Variants in TPO observed in about 807,000 individuals in gnomAD.
TPO encodes thyroid microsomal antigen.
Under a neutral mutation model 96.9 loss-of-function variants are expected in TPO, and 78 were observed. That is an observed-to-expected ratio of 0.81 (90% CI 0.67 to 0.97). The LOEUF (loss-of-function observed/expected upper bound fraction) is 0.97, where lower values mean the gene tolerates loss of function less well. Among genes scored for constraint, TPO ranks in the 50% least tolerant of loss-of-function variants. The probability of loss-of-function intolerance (pLI) is 0.00; values close to 1 mark genes in which losing one functional copy is unlikely to be tolerated. For missense variants in TPO, 1,252 were observed against 1,274.8 expected (o/e 0.98, Z 0.27); for synonymous variants, 547 against 538.0 (o/e 1.02, Z -0.23).
In TPO at chr2:1,542,436, G is replaced by A. The variant is rs1193953273; in HGVS notation, c.2764G>A (p.Glu922Lys). The change falls in exon 17 of 17, where the codon GAA becomes AAA. Residue 922 changes from glutamate (E) to lysine (K), a missense_variant. Glu to Lys is a moderately conservative substitution (Grantham distance 56, BLOSUM62 1). Coordinates refer to ENST00000329066, the MANE Select transcript of TPO (RefSeq NM_001206744.2). ...QDSEQESAGM[E>K]GRDTHRLPRA... ...ATTTTTGCAGGAGAGTGCTGGGATGGAAGGCCGGGATACTCACAGGCTGCC... is the reference window on the plus strand; with the variant it reads ...ATTTTTGCAGGAGAGTGCTGGGATGAAAGGCCGGGATACTCACAGGCTGCC... 1.2e-6 allele frequency: 2 copies of A among 1,614,198 alleles called. No individual in the cohort carries two copies. The highest frequency in any genetic ancestry group is 1.7e-6 in the Non-Finnish European group (2 of 1,180,030).
chr2:1,456,000 G>A (rs1217088826), intron 6 of TPO, 76 bp from the exon 7 acceptor site: 1 of 1,443,024 alleles, frequency 6.9e-7, no homozygotes, highest in East Asian at 2.4e-5. Context: ...ACCAGGAAGT[G>A]CATGATCCCA....
At chr2:1,398,805 C>A (rs1662123831) in intron 1 of TPO, among the ~76,000 whole-genome samples, 5 of 152,126 alleles carry the variant, frequency 3.3e-5, no homozygotes, top group Non-Finnish European at 2.9e-5. Flanking sequence ...ATTGCAGGGG[C>A]CAGGGAGTGC....
At chr2:1,395,932 G>A (rs935058851) in intron 1 of TPO, among the ~76,000 whole-genome samples, 2 of 152,226 alleles carry the variant, frequency 1.3e-5, no homozygotes, top group African/African-American at 4.8e-5. Flanking sequence ...GGAACTGTGA[G>A]TCCATTAAAC....
chr2:1,510,041 C>T (rs1341977354), intron 14 of TPO, among the ~76,000 whole-genome samples: 1 of 152,232 alleles, frequency 6.6e-6, no homozygotes, highest in Non-Finnish European at 1.5e-5. Flanking sequence ...CCCTCACACT[C>T]ATTGTTTTAT....
At chr2:1,486,959 T>C (rs1418055746) in intron 9 of TPO, among the ~76,000 whole-genome samples, 1 of 152,212 alleles carries the variant, frequency 6.6e-6, no homozygotes, top group Non-Finnish European at 1.5e-5. Flanking sequence ...GGACGATGCA[T>C]GTCGTGATTT....
intron 15 of TPO, among the ~76,000 whole-genome samples, chr2:1,525,179 G>A (rs1676153021): frequency 8.6e-6 from 1 of 116,630 alleles, no homozygotes; most frequent in Non-Finnish European, 1.8e-5. Flanking sequence ...CCCACTGTGT[G>A]CAATCCGCCC....
In TPO at chr2:1,491,156, C is replaced by T. The variant is rs934604373; in HGVS notation, c.1769-2646C>T. Among the ~76,000 whole-genome samples the T allele has an allele frequency of 6.6e-5, 10 of 151,816 alleles. 1 individual carries two copies. The highest frequency in any genetic ancestry group is 5.8e-4 in the East Asian group (3 of 5,158). ...CTGCACTCCAGCCTGGGTGACAGAG[C>T]GAGACTCAGTCAAAAAAAAAACCAA... On this transcript the variant is annotated intron_variant, in intron 10 of 16. Transcript: ENST00000329066.
intron 15 of TPO, among the ~76,000 whole-genome samples, chr2:1,523,728 T>A (rs1304440835): frequency 3.4e-4 from 12 of 35,470 alleles, no homozygotes; most frequent in Middle Eastern, 0.029. Context: ...CCTCCTCAGG[T>A]CCCCCACTGT....
intron 15 of TPO, among the ~76,000 whole-genome samples, chr2:1,521,136 G>T (rs1373556936): frequency 1.3e-5 from 2 of 152,090 alleles, no homozygotes; most frequent in African/African-American, 4.8e-5. Flanking sequence ...CCTACCTATG[G>T]TATGCATTAT....
At chr2:1,525,160 C>G (rs1229240642) in intron 15 of TPO, among the ~76,000 whole-genome samples, 1 of 134,830 alleles carries the variant, frequency 7.4e-6, no homozygotes, top group Non-Finnish European at 1.6e-5. Flanking sequence ...GTGCAACCTC[C>G]TCAAGTCCCC....
intron 5 of TPO, among the ~76,000 whole-genome samples, chr2:1,451,802 AT>A (rs28909397): frequency 1.3e-5 from 2 of 152,072 alleles, no homozygotes; most frequent in Non-Finnish European, 2.9e-5. Context: ...AAAAATTTCT[AT>A]TTTTTTCTCT....
At chr2:1,387,011 C>A (rs1463592931) in intron 1 of TPO, among the ~76,000 whole-genome samples, 1 of 152,154 alleles carries the variant, frequency 6.6e-6, no homozygotes, top group African/African-American at 2.4e-5. Context: ...GTTGAAAATT[C>A]TTTTCTTTAA....
intron 11 of TPO, 147 bp downstream of exon 11, chr2:1,494,186 C>G (rs1672095474): frequency 1.2e-6 from 1 of 851,304 alleles, no homozygotes; most frequent in East Asian, 2.5e-5. Context: ...TTCTCCCACC[C>G]ACAGCTTCTT....
rs150925316 is a variant in TPO at position 1,464,686 on chromosome 2, T to C, written c.819+8404T>C. Among the ~76,000 whole-genome samples the C allele has an allele frequency of 5.4e-3, 818 of 152,248 alleles. 14 individuals carry two copies. Among genetic ancestry groups the C allele is most frequent in the African/African-American group, 0.018 (754 of 41,572 alleles). Reference sequence around the variant, plus strand: ...CATTTTTTCATATGTTTGTTGGCCATGTGTGTATCTTCTTTTGAGAATTCT... The same window carrying C: ...CATTTTTTCATATGTTTGTTGGCCACGTGTGTATCTTCTTTTGAGAATTCT... On this transcript the variant is annotated intron_variant, in intron 7 of 16. Transcript: ENST00000329066.
chr2:1,537,476 T>TGTGTGCCAC (rs1558441419), intron 15 of TPO, among the ~76,000 whole-genome samples: 53 of 27,464 alleles, frequency 1.9e-3, no homozygotes, highest in African/African-American at 3.5e-3. Flanking sequence ...CTCCTCAAAT[T>TGTGTGCCAC]CTTCCACTCT....
chr2:1,477,088 C>T lies in TPO; in HGVS notation c.822C>T (p.Leu274=), dbSNP rs775434093. ...ENQNPCFPIQ[L]PEEARPAAGT... is the part of the protein sequence containing the mutation. Reference sequence around the variant, plus strand: ...CTTGAACTCCCCTTTGCCTGCAGCTCCCGGAGGAGGCCCGGCCGGCCGCGG... The same window carrying T: ...CTTGAACTCCCCTTTGCCTGCAGCTTCCGGAGGAGGCCCGGCCGGCCGCGG... The change falls in exon 8 of 17, where the codon CTC becomes CTT. Residue 274 remains leucine (L), a splice_region_variant and synonymous_variant. Coordinates refer to ENST00000329066, the MANE Select transcript of TPO (RefSeq NM_001206744.2). 1.1e-5 allele frequency: 17 copies of T among 1,602,944 alleles called. No individual in the cohort carries two copies. The highest frequency in any genetic ancestry group is 8.5e-7 in the Non-Finnish European group (1 of 1,177,914).
rs34242408 is a variant in TPO, at chr2:1,400,568, C to CAAAAAAA, written n.180+26180_180+26186dup. On this transcript the variant is annotated intron_variant and non_coding_transcript_variant, in intron 1 of 5. Coordinates refer to the TPO transcript ENST00000497517. ...TGGATAAAGAAGTGAGACTCTGTCT[C>CAAAAAAA]AAAAAAAAAAAAAAAAAAAAGAAAT... Among the ~76,000 whole-genome samples the CAAAAAAA allele has an allele frequency of 6.8e-4, 49 of 71,588 alleles. 2 individuals are homozygous for CAAAAAAA. The South Asian group carries it at 0.018, about 27-fold the overall frequency. 47.0% of individuals were successfully genotyped at this position (71,588 alleles called of 152,430 possible). A position where few individuals can be genotyped will look rare whatever the true frequency, so the allele number is the denominator to read the frequency against.
upstream of TPO, among the ~76,000 whole-genome samples, chr2:1,411,833 A>G (rs1277904477): frequency 6.6e-6 from 1 of 152,166 alleles, no homozygotes; most frequent in Non-Finnish European, 1.5e-5. Context: ...TGCTAACACT[A>G]AGGCCAGTGG....
At chr2:1,413,678 C>T in intron 1 of TPO, 133 bp downstream of exon 1, 2 of 985,444 alleles carry the variant, frequency 2.0e-6, no homozygotes, top group Non-Finnish European at 2.4e-6. Context: ...GCAAAGCTGA[C>T]TGACTGACTG....
Sources: gnomAD v4.1 joint callset for allele counts (sites outside exome capture counted in the v4.1 genomes callset) on GRCh38, gnomAD v4.1.1 for gene constraint, MANE v1.5 for transcripts, NCBI Gene and HGNC (gene_info 2026-07-23, HGNC 2026-07-21) for gene names.